BRD2: variants seen among roughly 807,000 people sequenced by gnomAD.
The protein encoded by BRD2 is bromodomain-containing protein 2.
BRD2 carries 15 observed loss-of-function variants against 79.1 expected under a neutral mutation model. The ratio of observed to expected loss-of-function variants is 0.19; its 90% confidence interval spans 0.13 to 0.29. The LOEUF (loss-of-function observed/expected upper bound fraction) is 0.29. Among genes scored for constraint, BRD2 ranks in the 10% least tolerant of loss-of-function variants. BRD2 has a pLI of 1.00. For missense variants in BRD2, 1,053 were observed against 991.3 expected (o/e 1.06, Z -0.84); for synonymous variants, 488 against 358.6 (o/e 1.36, Z -4.08).
intron 1 of BRD2, chr6:32,969,385 G>A: frequency 1.4e-6 from 1 of 716,626 alleles, no homozygotes; most frequent in Non-Finnish European, 2.6e-6. Context: ...CCGAGGGAGG[G>A]GTGACCTGGC....
At chr6:32,971,303 C>T (rs1489756042) in intron 1 of BRD2, 4 of 313,278 alleles carry the variant, frequency 1.3e-5, no homozygotes, top group African/African-American at 8.6e-5. Flanking sequence ...GTATTGGTAA[C>T]TGTAGGTGTG....
At chr6:32,969,489 G>A in intron 1 of BRD2, 1 of 597,364 alleles carries the variant, frequency 1.7e-6, no homozygotes, top group Non-Finnish European at 3.1e-6. Context: ...TTGTTCCCAG[G>A]CGCCAACTTC....
At chr6:32,973,475 A>G (rs1375027966) in intron 2 of BRD2, among the ~76,000 whole-genome samples, 1 of 152,048 alleles carries the variant, frequency 6.6e-6, no homozygotes, top group Admixed American at 6.6e-5. Context: ...TTGTTGGTGC[A>G]GGGATTGTTT....
intron 3 of BRD2, 164 bp downstream of exon 3, chr6:32,974,929 G>T: frequency 7.1e-7 from 1 of 1,402,074 alleles, no homozygotes; most frequent in Admixed American, 2.0e-5. Context: ...CTTTGTGATT[G>T]ATCCGACCGC....
At chr6:32,975,846 CAGTT>C (rs374916565) in intron 4 of BRD2, among the ~76,000 whole-genome samples, 181 bp from the exon 5 acceptor site, 96 of 151,932 alleles carry the variant, frequency 6.3e-4, no homozygotes, top group African/African-American at 1.1e-3. Context: ...TTTTGGGAGA[CAGTT>C]AGGAGAAAGT....
At position 32,971,692 on chromosome 6, in the gene BRD2, C is replaced by G. The variant is rs201755026; in HGVS notation, c.-1207C>G. The stretch of plus-strand genomic sequence containing the variant: ...GTTCAGGCAGGCTACGCCCACGCGA[C>G]CCCTCCCGTTTCCCTGCTTTGGCCA... On this transcript the variant is annotated 5_prime_UTR_variant, in exon 2 of 13. Coordinates refer to ENST00000374825, the MANE Select transcript of BRD2 (RefSeq NM_005104.4). The G allele has an allele frequency of 4.6e-5, 24 of 519,486 alleles. No homozygotes were observed. The South Asian group carries it at 6.3e-4, about 14-fold the overall frequency. The allele number at this position is 519,486 out of a possible 1,614,324, so 32.2% of individuals were successfully genotyped here. A position where few individuals can be genotyped will look rare whatever the true frequency, so the allele number is the denominator to read the frequency against.
In BRD2 at chr6:32,976,174, G is replaced by A. The variant is rs866130558; in HGVS notation, c.610+5G>A. On this transcript the variant is annotated splice_donor_5th_base_variant and intron_variant, in intron 5 of 12. Transcript: ENST00000374825. ...AGAAGGGGGCCAAGTTGGCAGGTAG[G>A]AAGAGTGGGAGTTTTGCAAATGGAC... 3.7e-6 allele frequency: 6 copies of A among 1,608,194 alleles called. No homozygotes were observed. The highest frequency in any genetic ancestry group is 5.1e-6 in the Non-Finnish European group (6 of 1,178,758).
At position 32,975,285 on chromosome 6, in the gene BRD2, G is replaced by GGT. The variant is rs61324180; in HGVS notation, c.334-75_334-74dup. The GGT allele has an allele frequency of 3.7e-3, 2,560 of 692,382 alleles. 16 individuals are homozygous for GGT. Among genetic ancestry groups the GGT allele is most frequent in the African/African-American group, 0.031 (1,661 of 53,118 alleles). The allele number at this position is 692,382 out of a possible 1,614,324, so 42.9% of individuals were successfully genotyped here. A position where few individuals can be genotyped will look rare whatever the true frequency, so the allele number is the denominator to read the frequency against. On this transcript the variant is annotated intron_variant, in intron 3 of 12. Transcript: ENST00000374825. ...AACTGTTCCTTTGATGCATAGGGGG[G>GGT]GTGTGTGTGTGTGTGTGTGTGTGTG...
chr6:32,980,538 A>G (rs1172623903), intron 12 of BRD2, 44 bp from the exon 13 acceptor site: 2 of 1,612,320 alleles, frequency 1.2e-6, no homozygotes, highest in East Asian at 2.2e-5. Flanking sequence ...TGACAAATGA[A>G]GATTCAGACT....
At chr6:32,979,743 A>G in intron 10 of BRD2, 85 bp from the exon 11 acceptor site, 2 of 1,470,552 alleles carry the variant, frequency 1.4e-6, no homozygotes, top group East Asian at 2.3e-5. Flanking sequence ...CTGGGCAGGA[A>G]ATAGGATCAC....
chr6:32,977,462 T>C lies in BRD2; in HGVS notation c.1221T>C (p.Asp407=), dbSNP rs1474730710. 1 of 1,613,966 alleles carries C rather than the reference T, an allele frequency of 6.2e-7. No homozygotes were observed. The change falls in exon 8 of 13, where the codon GAT becomes GAC. Residue 407 remains aspartate, a synonymous_variant. Coordinates refer to ENST00000374825, the MANE Select transcript of BRD2 (RefSeq NM_005104.4). ...TGCAGCGGAAGATGGAGAACCGTGA[T>C]TACCGGGATGCACAGGAGTTTGCTG... ...STVKRKMENR[D]YRDAQEFAAD... is the part of the protein sequence containing the mutation.
Position 32,978,108 on chromosome 6 carries a change from A to G in BRD2, c.1579-18A>G, listed in dbSNP as rs1779016632. 1.3e-6 allele frequency: 2 copies of G among 1,594,282 alleles called. No homozygotes were observed. The highest frequency in any genetic ancestry group is 1.4e-5 in the African/African-American group (1 of 73,270). ...TATCTTTATTTACTTTTTCCACTTC[A>G]TGTTTTTTTTCCTTTAGCTTCGGGC... On this transcript the variant is annotated intron_variant, in intron 9 of 12. Transcript: ENST00000374825.
Position 32,976,381 on chromosome 6 carries a change from T to C in BRD2, c.742T>C (p.Ser248Pro). 1 of 1,612,970 alleles carries C rather than the reference T, an allele frequency of 6.2e-7. No homozygotes were observed. The highest frequency in any genetic ancestry group is 8.5e-7 in the Non-Finnish European group (1 of 1,180,024). ...LNIPHPSVIS[S>P]PLLKSLHSAG... is the part of the protein sequence containing the mutation. ...CATTCCCCACCCATCAGTCATTTCC[T>C]CTCCACTTCTCAAGTCCTTGCACTC... is the stretch of plus-strand genomic sequence containing the variant. The change falls in exon 6 of 13, where the codon TCT becomes CCT. Residue 248 changes from serine (S) to proline (P), a missense_variant. Ser to Pro is a moderately conservative substitution (Grantham distance 74, BLOSUM62 -1). Transcript: ENST00000374825.
chr6:32,973,187 G>GAGCT, intron 2 of BRD2: 1 of 1,529,194 alleles, frequency 6.5e-7, no homozygotes, highest in Non-Finnish European at 8.8e-7. Context: ...GAGTCAGGCA[G>GAGCT]AGCTAGTTTG....
In BRD2 at chr6:32,975,992, A is replaced by G. The variant is rs763057740; in HGVS notation, c.472-39A>G. On this transcript the variant is annotated intron_variant, in intron 4 of 12. Transcript: ENST00000374825. ...TGGTGTGTATCTATCTTCTGTTGGC[A>G]TTTTTTAACTTTCTTTATTGCTGTC... 3.8e-6 allele frequency: 6 copies of G among 1,569,722 alleles called. No homozygotes were observed. In the South Asian group the frequency reaches 6.0e-5, roughly 16 times the overall value.
chr6:32,980,830 C>CCT lies in BRD2; in HGVS notation c.*112_*113insCT, dbSNP rs28986268. 1,851 of 1,268,706 alleles carry CCT rather than the reference C, an allele frequency of 1.5e-3. 10 individuals carry two copies. In the African/African-American group the frequency reaches 0.022, roughly 15 times the overall value. 78.6% of individuals were successfully genotyped at this position (1,268,706 alleles called of 1,614,324 possible). A position where few individuals can be genotyped will look rare whatever the true frequency, so the allele number is the denominator to read the frequency against. On this transcript the variant is annotated 3_prime_UTR_variant, in exon 13 of 13. Coordinates refer to ENST00000374825, the MANE Select transcript of BRD2 (RefSeq NM_005104.4). ...GACACTTCTTCATCTCACCCCCCCCCGCCCCCCTCTAGGAGAGCTGGCTCT... is the reference window on the plus strand; with the variant it reads ...GACACTTCTTCATCTCACCCCCCCCCCTGCCCCCCTCTAGGAGAGCTGGCTCT...
chr6:32,972,192 G>C lies in BRD2; in HGVS notation c.-707G>C, dbSNP rs1176653084. Reference sequence around the variant, plus strand: ...TATATAAAGGGCTGGCGCGGGGCTCGGCGGCGCCATTTCGTGCTGGAGTGG... The same window carrying C: ...TATATAAAGGGCTGGCGCGGGGCTCCGCGGCGCCATTTCGTGCTGGAGTGG... On this transcript the variant is annotated 5_prime_UTR_variant, in exon 2 of 13. Coordinates refer to ENST00000374825, the MANE Select transcript of BRD2 (RefSeq NM_005104.4). 2 of 560,074 alleles carry C rather than the reference G, an allele frequency of 3.6e-6. No homozygotes were observed. The highest frequency in any genetic ancestry group is 6.5e-6 in the Non-Finnish European group (2 of 308,722). 34.7% of individuals were successfully genotyped at this position (560,074 alleles called of 1,614,324 possible).
Position 32,971,870 on chromosome 6 carries a change from C to T in BRD2, c.-1029C>T, listed in dbSNP as rs745977637. ...GGCTTCCGCACCTCTTCCAACCACC[C>T]TCTTTCCCTGGAGTCGGCGGACCAC... On this transcript the variant is annotated 5_prime_UTR_variant, in exon 2 of 13. Coordinates refer to ENST00000374825, the MANE Select transcript of BRD2 (RefSeq NM_005104.4). 4.3e-6 allele frequency: 3 copies of T among 701,568 alleles called. No individual in the cohort carries two copies. Among genetic ancestry groups the T allele is most frequent in the Non-Finnish European group, 7.8e-6 (3 of 384,368 alleles). The allele number at this position is 701,568 out of a possible 1,614,324, so 43.5% of individuals were successfully genotyped here.
chr6:32,975,981 C>T (rs770886136), intron 4 of BRD2, 50 bp from the exon 5 acceptor site: 16 of 1,559,694 alleles, frequency 1.0e-5, no homozygotes, highest in South Asian at 7.4e-5. Flanking sequence ...GTGTATCTAT[C>T]TTCTGTTGGC....
Sources: allele counts gnomAD v4.1 joint callset (sites outside exome capture counted in the v4.1 genomes callset), GRCh38; gene constraint gnomAD v4.1.1; transcripts MANE v1.5; gene names NCBI Gene and HGNC (gene_info 2026-07-23, HGNC 2026-07-21).